Variants in SLC35F1 observed in about 807,000 individuals in gnomAD.
SLC35F1 encodes chromosome 6 open reading frame 169.
A neutral mutation model predicts 48.7 loss-of-function variants in SLC35F1; 14 were observed. That is an observed-to-expected ratio of 0.29 (90% CI 0.19 to 0.45). The LOEUF is 0.45. SLC35F1 is among the 20% of genes least tolerant of loss of function. SLC35F1 has a pLI of 1.00. For missense variants in SLC35F1, 404 were observed against 500.0 expected (o/e 0.81, Z 1.83); for synonymous variants, 190 against 202.2 (o/e 0.94, Z 0.51).
intron 1 of SLC35F1, among the ~76,000 whole-genome samples, chr6:117,984,368 G>A (rs941685763): frequency 5.9e-5 from 9 of 152,036 alleles, no homozygotes; most frequent in Admixed American, 2.6e-4. Flanking sequence ...GTGTGGTGGC[G>A]GGTGCCTGTA....
chr6:118,078,815 C>G (rs1312753354), intron 1 of SLC35F1, among the ~76,000 whole-genome samples: 1 of 152,128 alleles, frequency 6.6e-6, no homozygotes, highest in Non-Finnish European at 1.5e-5. Flanking sequence ...TTCCTCTGTT[C>G]CTGGTGCTGG....
At chr6:118,169,880 A>C (rs1774376019) in intron 2 of SLC35F1, among the ~76,000 whole-genome samples, 1 of 152,238 alleles carries the variant, frequency 6.6e-6, no homozygotes, top group Non-Finnish European at 1.5e-5. Flanking sequence ...TCTTTTAATA[A>C]GGATTCAAAG....
chr6:118,031,313 A>G (rs9320629), intron 1 of SLC35F1, among the ~76,000 whole-genome samples: 35,415 of 152,078 alleles, frequency 0.23, 4,338 homozygotes, highest in East Asian at 0.36. Flanking sequence ...ACTACTTTCA[A>G]GGGCAGGTAT....
intron 1 of SLC35F1, among the ~76,000 whole-genome samples, chr6:117,964,465 T>C (rs1213906790): frequency 6.6e-6 from 1 of 152,230 alleles, no homozygotes; most frequent in Admixed American, 6.5e-5. Context: ...CACTGTTCTT[T>C]CCTGTTTTTT....
chr6:118,014,363 C>T (rs1276039161), intron 1 of SLC35F1, among the ~76,000 whole-genome samples: 1 of 152,034 alleles, frequency 6.6e-6, no homozygotes, highest in Non-Finnish European at 1.5e-5. Context: ...TTAAATGGGG[C>T]TCTTGATGGC....
At chr6:117,973,886 A>G (rs1016502559) in intron 1 of SLC35F1, among the ~76,000 whole-genome samples, 1 of 152,156 alleles carries the variant, frequency 6.6e-6, no homozygotes, top group Non-Finnish European at 1.5e-5. Flanking sequence ...TTAACAGTAA[A>G]CTCAAAGTTA....
chr6:118,102,197 A>G (rs1162469361), intron 1 of SLC35F1, among the ~76,000 whole-genome samples: 2 of 152,138 alleles, frequency 1.3e-5, no homozygotes, highest in Non-Finnish European at 2.9e-5. Flanking sequence ...CCATTTAGTT[A>G]TTTATAGACA....
chr6:118,070,389 T>C (rs1042437517), intron 1 of SLC35F1, among the ~76,000 whole-genome samples: 1 of 152,094 alleles, frequency 6.6e-6, no homozygotes, highest in Non-Finnish European at 1.5e-5. Context: ...AGCACATAAA[T>C]CTTCTGTCAA....
rs114590697 is a variant in SLC35F1, at chr6:118,167,171, C to G, written c.349+12551C>G. Among the ~76,000 whole-genome samples the G allele has an allele frequency of 1.3e-3, 201 of 152,222 alleles. 1 individual carries two copies. Among genetic ancestry groups the G allele is most frequent in the African/African-American group, 4.4e-3 (181 of 41,542 alleles). ...AAAGATGATCTCCCTTCTCCTACCC[C>G]CTCCAAGTTCACAGATAAGAGGAGG... On this transcript the variant is annotated intron_variant, in intron 2 of 7. Transcript: ENST00000360388.
chr6:118,268,263 C>T (rs1321374316), intron 4 of SLC35F1, among the ~76,000 whole-genome samples: 1 of 152,156 alleles, frequency 6.6e-6, no homozygotes, highest in Non-Finnish European at 1.5e-5. Context: ...CAGGGCAGGC[C>T]TCTTTCTCTG....
chr6:118,198,112 G>A (rs984050946), intron 2 of SLC35F1, among the ~76,000 whole-genome samples: 12 of 152,158 alleles, frequency 7.9e-5, no homozygotes, highest in African/African-American at 2.7e-4. Flanking sequence ...AGGAAATGTT[G>A]TGATCATTTT....
chr6:117,938,124 A>G (rs1207474123), intron 1 of SLC35F1, among the ~76,000 whole-genome samples: 1 of 152,134 alleles, frequency 6.6e-6, no homozygotes, highest in East Asian at 1.9e-4. Flanking sequence ...GTGTTTCTTG[A>G]CTTCTCTGTC....
At chr6:118,116,899 T>C (rs981374919) in intron 1 of SLC35F1, among the ~76,000 whole-genome samples, 6 of 152,164 alleles carry the variant, frequency 3.9e-5, no homozygotes, top group African/African-American at 1.4e-4. Flanking sequence ...CTCACCCTCT[T>C]AGCCAATGCC....
chr6:118,126,424 G>C (rs144162237), intron 1 of SLC35F1, among the ~76,000 whole-genome samples: 2 of 152,002 alleles, frequency 1.3e-5, no homozygotes, highest in Admixed American at 1.3e-4. Context: ...TGATGCCTCC[G>C]GCTTTGTTCT....
intron 3 of SLC35F1, among the ~76,000 whole-genome samples, chr6:118,246,601 G>C (rs10499086): frequency 0.09 from 13,705 of 152,104 alleles, 625 homozygotes; most frequent in Middle Eastern, 0.15. Flanking sequence ...CAGGCCGCTT[G>C]GTTCTCTGGT....
chr6:118,259,996 G>A (rs1181345825), intron 3 of SLC35F1, among the ~76,000 whole-genome samples: 1 of 152,126 alleles, frequency 6.6e-6, no homozygotes, highest in Non-Finnish European at 1.5e-5. Context: ...TGAGCAATGT[G>A]TAAGTAAAAC....
At chr6:118,009,068 T>C (rs1451560652) in intron 1 of SLC35F1, among the ~76,000 whole-genome samples, 1 of 152,208 alleles carries the variant, frequency 6.6e-6, no homozygotes, top group East Asian at 1.9e-4. Flanking sequence ...TCTGTATCTA[T>C]GTCCAGTTAA....
intron 2 of SLC35F1, among the ~76,000 whole-genome samples, chr6:118,226,234 A>G (rs1354912217): frequency 1.3e-5 from 2 of 152,244 alleles, no homozygotes; most frequent in African/African-American, 4.8e-5. Flanking sequence ...ATATGAAGAA[A>G]GGCGAATCCT....
intron 6 of SLC35F1, among the ~76,000 whole-genome samples, chr6:118,281,735 A>G (rs1775987201): frequency 6.6e-6 from 1 of 152,036 alleles, no homozygotes; most frequent in African/African-American, 2.4e-5. Context: ...AGGTTGTCTC[A>G]CCATCCCTGT....
Sources: allele counts gnomAD v4.1 joint callset (sites outside exome capture counted in the v4.1 genomes callset), GRCh38; gene constraint gnomAD v4.1.1; transcripts MANE v1.5; gene names NCBI Gene and HGNC (gene_info 2026-07-23, HGNC 2026-07-21).